The following RAD51B variants were observed in gnomAD, a reference collection of about 807,000 sequenced individuals.
The protein encoded by RAD51B is DNA repair protein RAD51 homolog 2.
A neutral mutation model predicts 42.2 loss-of-function variants in RAD51B; 38 were observed. The observed-to-expected ratio is 0.90, with a 90% confidence interval of 0.70 to 1.18. The LOEUF (loss-of-function observed/expected upper bound fraction) is 1.18, where lower values mean the gene tolerates loss of function less well. Among genes scored for constraint, RAD51B ranks in the 50% most tolerant of loss-of-function variants. The pLI, the probability that RAD51B is intolerant of heterozygous loss-of-function variation, is 0.00. For synonymous variants in RAD51B, 154 were observed against 145.2 expected, an observed-to-expected ratio of 1.06 and a Z score of -0.43; for missense variants, 373 against 400.7, an observed-to-expected ratio of 0.93 and a Z score of 0.59.
intron 7 of RAD51B, among the ~76,000 whole-genome samples, chr14:68,031,772 A>T (rs529024115): frequency 2.6e-5 from 4 of 152,342 alleles, no homozygotes; most frequent in African/African-American, 9.6e-5. Flanking sequence ...CTCAGCAAAT[A>T]ACTATTTCCA....
chr14:67,885,859 T>A lies in RAD51B; in HGVS notation c.453-10T>A, dbSNP rs775260559. The A allele has an allele frequency of 1.6e-5, 26 of 1,580,420 alleles. No homozygotes were observed. Among genetic ancestry groups the A allele is most frequent in the Non-Finnish European group, 2.2e-5 (26 of 1,161,802 alleles). On this transcript the variant is annotated splice_polypyrimidine_tract_variant and intron_variant, in intron 5 of 10. Transcript: ENST00000471583. ...ACTGTTTTCGTTTGTGCTATTTTTT[T>A]CACCCACAGACTGGTTGAAATAGCA...
intron 7 of RAD51B, among the ~76,000 whole-genome samples, chr14:67,961,668 G>A (rs952759339): frequency 1.1e-4 from 17 of 152,064 alleles, no homozygotes; most frequent in Admixed American, 6.5e-4. Context: ...TGAAGGAAAC[G>A]GTCCTACCGT....
chr14:68,216,936 A>G (rs2079827719), intron 7 of RAD51B, among the ~76,000 whole-genome samples: 1 of 152,186 alleles, frequency 6.6e-6, no homozygotes, highest in Admixed American at 6.5e-5. Context: ...CAATGTTGAG[A>G]TTAGTCACTG....
At chr14:68,652,225 T>C (rs1406241095) in intron 11 of RAD51B, among the ~76,000 whole-genome samples, 1 of 152,194 alleles carries the variant, frequency 6.6e-6, no homozygotes, top group African/African-American at 2.4e-5. Context: ...TAGCCCGCAG[T>C]CTGCGCTCCA....
chr14:68,029,734 C>CTGAATAGCATCTGAATAGCATCTGAA (rs1483640426), intron 7 of RAD51B, among the ~76,000 whole-genome samples: 5 of 152,180 alleles, frequency 3.3e-5, no homozygotes, highest in African/African-American at 1.2e-4. Context: ...TGAATAGCAT[C>CTGAATAGCATCTGAATAGCATCTGAA]TAGAATGGTG....
intron 7 of RAD51B, chr14:67,887,686 G>A (rs944425693): frequency 1.3e-5 from 2 of 152,392 alleles, no homozygotes; most frequent in Non-Finnish European, 2.9e-5. Flanking sequence ...GATTTGGTTT[G>A]CTTCAAATGG....
chr14:68,532,113 T>A (rs2428615), intron 10 of RAD51B, among the ~76,000 whole-genome samples: 140,495 of 152,332 alleles, frequency 0.92, 65,628 homozygotes, highest in Non-Finnish European at 0.99. Flanking sequence ...GTAAGAATTG[T>A]TAACTTATAG....
intron 7 of RAD51B, among the ~76,000 whole-genome samples, chr14:68,237,326 A>G (rs1159783504): frequency 6.6e-6 from 1 of 152,222 alleles, no homozygotes; most frequent in Non-Finnish European, 1.5e-5. Flanking sequence ...AAACAAATCT[A>G]GATAGCCCAG....
chr14:68,070,634 T>A (rs975376416), intron 7 of RAD51B, among the ~76,000 whole-genome samples: 3 of 152,212 alleles, frequency 2.0e-5, no homozygotes, highest in Non-Finnish European at 2.9e-5. Flanking sequence ...TCCATTTGCC[T>A]GTGTGTCTGT....
At chr14:67,869,768 T>A (rs963660248) in intron 5 of RAD51B, among the ~76,000 whole-genome samples, 2 of 151,252 alleles carry the variant, frequency 1.3e-5, no homozygotes, top group African/African-American at 4.9e-5. Context: ...CAGAAGAGAG[T>A]GGGGGCCAAC....
chr14:68,329,583 A>G (rs1394484057), intron 8 of RAD51B, among the ~76,000 whole-genome samples: 1 of 152,242 alleles, frequency 6.6e-6, no homozygotes, highest in Non-Finnish European at 1.5e-5. Flanking sequence ...TGTGTGTGGT[A>G]TCTGTAATTA....
chr14:68,330,083 G>A (rs2082319813), intron 8 of RAD51B, among the ~76,000 whole-genome samples: 2 of 151,984 alleles, frequency 1.3e-5, no homozygotes, highest in South Asian at 2.1e-4. Flanking sequence ...GCTAGGCTAC[G>A]TTAACAAGAG....
At chr14:68,504,949 T>G (rs1486456179) in intron 10 of RAD51B, among the ~76,000 whole-genome samples, 1 of 152,078 alleles carries the variant, frequency 6.6e-6, no homozygotes, top group Non-Finnish European at 1.5e-5. Flanking sequence ...CAGCAAGGGG[T>G]CCATAACTCT....
At chr14:68,488,438 G>A (rs1883809212) in intron 10 of RAD51B, among the ~76,000 whole-genome samples, 1 of 152,028 alleles carries the variant, frequency 6.6e-6, no homozygotes, top group Non-Finnish European at 1.5e-5. Flanking sequence ...CCCCAACCTT[G>A]GGCTCTGTCC....
At chr14:68,089,714 A>G (rs1371432034) in intron 7 of RAD51B, among the ~76,000 whole-genome samples, 1 of 152,134 alleles carries the variant, frequency 6.6e-6, no homozygotes, top group Non-Finnish European at 1.5e-5. Flanking sequence ...TTCTTTTGGT[A>G]GCCTCAGTGT....
chr14:68,498,640 G>A (rs1884709970), intron 10 of RAD51B, among the ~76,000 whole-genome samples: 1 of 152,070 alleles, frequency 6.6e-6, no homozygotes, highest in African/African-American at 2.4e-5. Context: ...CAAACACAAA[G>A]TTATTCATAG....
At chr14:68,187,418 A>G (rs915318378) in intron 7 of RAD51B, among the ~76,000 whole-genome samples, 1 of 152,232 alleles carries the variant, frequency 6.6e-6, no homozygotes, top group African/African-American at 2.4e-5. Flanking sequence ...CTGACCACAT[A>G]GAAATGTGGG....
intron 7 of RAD51B, among the ~76,000 whole-genome samples, chr14:68,015,852 G>A (rs925835770): frequency 1.3e-5 from 2 of 152,194 alleles, no homozygotes; most frequent in African/African-American, 4.8e-5. Context: ...ACTTTTCTCT[G>A]ACACCATTTA....
chr14:68,365,409 A>G (rs1436395471), intron 8 of RAD51B, among the ~76,000 whole-genome samples: 1 of 152,216 alleles, frequency 6.6e-6, no homozygotes, highest in Non-Finnish European at 1.5e-5. Flanking sequence ...AGGCAGTCCC[A>G]CCTCAGAGCT....
Sources: allele counts gnomAD v4.1 joint callset (sites outside exome capture counted in the v4.1 genomes callset), GRCh38; gene constraint gnomAD v4.1.1; transcripts MANE v1.5; gene names NCBI Gene and HGNC (gene_info 2026-07-23, HGNC 2026-07-21).